The following CLUL1 variants were observed in gnomAD, a reference collection of about 807,000 sequenced individuals.
CLUL1 encodes the protein clusterin like 1.
A neutral mutation model predicts 49.4 loss-of-function variants in CLUL1; 43 were observed. The ratio of observed to expected loss-of-function variants is 0.87; its 90% confidence interval spans 0.68 to 1.12. CLUL1 has a LOEUF of 1.12. Ranked by LOEUF, CLUL1 falls within the 50% of genes most tolerant of loss-of-function variation. The probability of loss-of-function intolerance (pLI) is 0.00; values close to 1 mark genes in which losing one functional copy is unlikely to be tolerated. For missense variants in CLUL1, 486 were observed against 544.4 expected, an observed-to-expected ratio of 0.89 and a Z score of 1.07; for synonymous variants, 192 against 184.9, an observed-to-expected ratio of 1.04 and a Z score of -0.31.
intron 4 of CLUL1, among the ~76,000 whole-genome samples, chr18:620,191 A>C (rs115082063): frequency 0.018 from 2,728 of 152,320 alleles, 81 homozygotes; most frequent in African/African-American, 0.062. Flanking sequence ...TCCACATTTC[A>C]AATAATCTTC....
chr18:620,527 T>A (rs139626161), intron 4 of CLUL1, among the ~76,000 whole-genome samples: 13 of 152,218 alleles, frequency 8.5e-5, no homozygotes, highest in Non-Finnish European at 1.3e-4. Flanking sequence ...TATAGTTGAT[T>A]CTTCTGGAAT....
At chr18:646,180 C>T (rs757403052) in intron 9 of CLUL1, among the ~76,000 whole-genome samples, 5 of 151,620 alleles carry the variant, frequency 3.3e-5, no homozygotes, top group African/African-American at 9.7e-5. Context: ...TCAAAAAATG[C>T]GAGATATAAA....
At chr18:627,817 A>T (rs1352476461) in intron 6 of CLUL1, among the ~76,000 whole-genome samples, 1 of 151,566 alleles carries the variant, frequency 6.6e-6, no homozygotes, top group Non-Finnish European at 1.5e-5. Context: ...TCCCTCATTT[A>T]TTATTTCTTT....
intron 2 of CLUL1, among the ~76,000 whole-genome samples, chr18:608,178 C>A (rs528114166): frequency 6.6e-6 from 1 of 152,102 alleles, no homozygotes; most frequent in Admixed American, 6.5e-5. Flanking sequence ...GGGAGGTTGA[C>A]CCTGAGTTGG....
chr18:628,781 G>A (rs1315681705), intron 6 of CLUL1, among the ~76,000 whole-genome samples: 4 of 151,352 alleles, frequency 2.6e-5, no homozygotes, highest in Admixed American at 2.0e-4. Context: ...ACAGGTGCCC[G>A]CCACCACGCC....
chr18:608,227 C>T (rs968111946), intron 2 of CLUL1, among the ~76,000 whole-genome samples: 2 of 152,130 alleles, frequency 1.3e-5, no homozygotes, highest in African/African-American at 4.8e-5. Flanking sequence ...CTGGGTTCCC[C>T]TTGAAGGCTA....
chr18:648,164 T>C (rs542159669), intron 9 of CLUL1, among the ~76,000 whole-genome samples: 1 of 152,334 alleles, frequency 6.6e-6, no homozygotes, highest in East Asian at 1.9e-4. Context: ...CGATAGGTTT[T>C]AGAGAAAGGA....
chr18:621,809 G>A (rs1488718581), intron 4 of CLUL1, among the ~76,000 whole-genome samples: 1 of 152,170 alleles, frequency 6.6e-6, no homozygotes, highest in African/African-American at 2.4e-5. Context: ...GTGATTTTCC[G>A]CTTTTCTCAC....
At chr18:619,147 G>A in intron 3 of CLUL1, 66 bp from the exon 4 acceptor site, 1 of 1,457,718 alleles carries the variant, frequency 6.9e-7, no homozygotes, top group Non-Finnish European at 9.4e-7. Context: ...GACATGAAAG[G>A]TTGGTGAACT....
At chr18:609,202 A>G (rs1325670145) in intron 2 of CLUL1, among the ~76,000 whole-genome samples, 2 of 152,232 alleles carry the variant, frequency 1.3e-5, no homozygotes, top group African/African-American at 4.8e-5. Flanking sequence ...AAGTTTGTAT[A>G]CATTGAACCA....
At position 625,121 on chromosome 18, in the gene CLUL1, C is replaced by T. The variant is rs938829117; in HGVS notation, c.423+89C>T. 6.0e-5 allele frequency: 78 copies of T among 1,309,504 alleles called. No homozygotes were observed. In the South Asian group the frequency reaches 8.2e-4, roughly 14 times the overall value. 81.1% of individuals were successfully genotyped at this position (1,309,504 alleles called of 1,614,324 possible). A position where few individuals can be genotyped will look rare whatever the true frequency, so the allele number is the denominator to read the frequency against. On this transcript the variant is annotated intron_variant, in intron 5 of 9. Coordinates refer to ENST00000692774, the MANE Select transcript of CLUL1 (RefSeq NM_001393344.1). ...TATTAATTTATGTTAATATTTAGAA[C>T]GGAGATGCCTGATCTGATAGGGGCC...
rs1368951354 is a variant in CLUL1, at chr18:607,041, C to A, written c.-72C>A. ...GCATGTTCATAGCTCACTGAAGCCTCAAATTCCTGGGTTCAAGTGACCCTC... is the reference window on the plus strand; with the variant it reads ...GCATGTTCATAGCTCACTGAAGCCTAAAATTCCTGGGTTCAAGTGACCCTC... On this transcript the variant is annotated 5_prime_UTR_variant, in exon 2 of 10. Coordinates refer to ENST00000692774, the MANE Select transcript of CLUL1 (RefSeq NM_001393344.1). 1 of 701,700 alleles carries A rather than the reference C, an allele frequency of 1.4e-6. No individual in the cohort carries two copies. Among genetic ancestry groups the A allele is most frequent in the Non-Finnish European group, 2.6e-6 (1 of 384,610 alleles). 43.5% of individuals were successfully genotyped at this position (701,700 alleles called of 1,614,324 possible).
At chr18:615,471 C>T (rs569861032) in intron 2 of CLUL1, among the ~76,000 whole-genome samples, 2 of 152,262 alleles carry the variant, frequency 1.3e-5, no homozygotes, top group South Asian at 2.1e-4. Flanking sequence ...AAAAAGAACA[C>T]GCAGATGCCA....
At chr18:621,598 A>C (rs2073488627) in intron 4 of CLUL1, among the ~76,000 whole-genome samples, 1 of 152,224 alleles carries the variant, frequency 6.6e-6, no homozygotes, top group African/African-American at 2.4e-5. Flanking sequence ...GCCATCTGGG[A>C]ATAGAGACAC....
intron 1 of CLUL1, among the ~76,000 whole-genome samples, chr18:599,920 T>C (rs1337955626): frequency 6.7e-6 from 1 of 149,860 alleles, no homozygotes; most frequent in Non-Finnish European, 1.5e-5. Flanking sequence ...TGCACTCCAG[T>C]CTGGGCTACA....
At position 626,923 on chromosome 18, in the gene CLUL1, GA is replaced by G. The variant is rs1364650256; in HGVS notation, c.424-171del. On this transcript the variant is annotated intron_variant, in intron 5 of 9. Transcript: ENST00000692774. ...AGAAAGAAAGAAAGAAAGAAAGAAA[GA>G]AAGAAGGAAAGAAGGAAAGAAGGAA... is the stretch of plus-strand genomic sequence containing the variant. 4.1e-3 allele frequency among the ~76,000 whole-genome samples: 5 copies of G among 1,208 alleles called. 2 individuals carry two copies. Among genetic ancestry groups the G allele is most frequent in the African/African-American group, 4.5e-3 (5 of 1,120 alleles). The allele number at this position is 1,208 out of a possible 152,430, so 0.8% of individuals were successfully genotyped here. A position where few individuals can be genotyped will look rare whatever the true frequency, so the allele number is the denominator to read the frequency against.
intron 9 of CLUL1, among the ~76,000 whole-genome samples, chr18:645,804 AAAAAAAATATAT>A (rs1462949931): frequency 2.1e-5 from 1 of 48,666 alleles, no homozygotes; most frequent in African/African-American, 8.7e-5. Context: ...AAAAAAAAAA[AAAAAAAATATAT>A]ATATATATAT....
chr18:602,927 G>A (rs2143922880), intron 1 of CLUL1, among the ~76,000 whole-genome samples: 1 of 152,352 alleles, frequency 6.6e-6, no homozygotes, highest in African/African-American at 2.4e-5. Flanking sequence ...GCTGGGGTCA[G>A]AGAGTTTCAG....
intron 7 of CLUL1, among the ~76,000 whole-genome samples, chr18:638,577 G>A (rs2144154239): frequency 6.6e-6 from 1 of 152,254 alleles, no homozygotes; most frequent in South Asian, 2.1e-4. Context: ...GATGTAATAG[G>A]CCAGCCATGG....
Sources: gnomAD v4.1 joint callset for allele counts (sites outside exome capture counted in the v4.1 genomes callset) on GRCh38, gnomAD v4.1.1 for gene constraint, MANE v1.5 for transcripts, NCBI Gene and HGNC (gene_info 2026-07-23, HGNC 2026-07-21) for gene names.